Variants in LPIN3 observed in about 807,000 individuals in gnomAD.
The protein encoded by LPIN3 is lipin 3, also known as phosphatidate phosphatase LPIN3.
Under a neutral mutation model 94.7 loss-of-function variants are expected in LPIN3, and 82 were observed. That is an observed-to-expected ratio of 0.87 (90% CI 0.72 to 1.04). The LOEUF (loss-of-function observed/expected upper bound fraction) is 1.04. Ranked by LOEUF, LPIN3 falls within the 50% of genes least tolerant of loss-of-function variation. The pLI is 0.00. For synonymous variants in LPIN3, 418 were observed against 443.3 expected (o/e 0.94, Z 0.72); for missense variants, 996 against 1,090.5 (o/e 0.91, Z 1.22).
chr20:41,350,038 C>T lies in LPIN3; in HGVS notation c.760-17C>T. ...CCTTACCCTGGCCCACATCTTCCTC[C>T]ATTTGTTCCACTAAAGGTGGCCAGA... On this transcript the variant is annotated splice_polypyrimidine_tract_variant and intron_variant, in intron 6 of 19. Coordinates refer to ENST00000373257, the MANE Select transcript of LPIN3 (RefSeq NM_022896.3). The T allele has an allele frequency of 1.3e-6, 2 of 1,577,474 alleles. No individual in the cohort carries two copies. Among genetic ancestry groups the T allele is most frequent in the Non-Finnish European group, 1.7e-6 (2 of 1,157,836 alleles).
Position 41,359,066 on chromosome 20 carries a change from C to A in LPIN3, c.*200C>A, listed in dbSNP as rs940198367. On this transcript the variant is annotated 3_prime_UTR_variant, in exon 20 of 20. Transcript: ENST00000373257. ...CCAGCTAAGCTGCAGCTGCTCCAGG[C>A]GTCAGTGTGGCACTGTCCTGGGGCA... 1.4e-5 allele frequency: 7 copies of A among 491,020 alleles called. No homozygotes were observed. The highest frequency in any genetic ancestry group is 1.8e-5 in the Non-Finnish European group (5 of 276,856). The allele number at this position is 491,020 out of a possible 1,614,324, so 30.4% of individuals were successfully genotyped here.
chr20:41,354,961 A>G (rs1455793600), intron 13 of LPIN3, 98 bp downstream of exon 13: 1 of 1,194,588 alleles, frequency 8.4e-7, no homozygotes. Flanking sequence ...CCCTGTCTCC[A>G]GCTGTGGGTT....
intron 1 of LPIN3, among the ~76,000 whole-genome samples, chr20:41,341,676 G>A (rs770470389): frequency 1.1e-4 from 16 of 152,234 alleles, no homozygotes; most frequent in Non-Finnish European, 2.2e-4. Flanking sequence ...ATGGCCTTGA[G>A]TGCCAAGTTA....
Position 41,349,110 on chromosome 20 carries a change from G to A in LPIN3, c.576G>A (p.Lys192=). Residue 192 remains lysine, a synonymous_variant, in exon 5 of 20, where the codon AAG becomes AAA. Transcript: ENST00000373257. ...PEPPGVQLEE[K]SSLQPKDIYP... is the part of the protein sequence containing the mutation. ...TTAGCAGTGTCCAGTTGGAAGAGAA[G>A]TCTTCACTGCAGCCCAAAGACATCT... 6.2e-7 allele frequency: 1 copy of A among 1,614,194 alleles called. No individual in the cohort carries two copies. The highest frequency in any genetic ancestry group is 8.5e-7 in the Non-Finnish European group (1 of 1,180,034).
At chr20:41,349,402 G>A (rs924609527) in intron 5 of LPIN3, among the ~76,000 whole-genome samples, 1 of 151,668 alleles carries the variant, frequency 6.6e-6, no homozygotes, top group Admixed American at 6.6e-5. Context: ...ACAGTTCAGT[G>A]GCATTAAGTA....
intron 14 of LPIN3, 26 bp downstream of exon 14, chr20:41,356,060 G>A (rs977521832): frequency 9.3e-6 from 15 of 1,608,794 alleles, no homozygotes; most frequent in Non-Finnish European, 1.1e-5. Flanking sequence ...CTGTGTGGAG[G>A]TTGGGGAGGG....
chr20:41,357,179 C>T lies in LPIN3; in HGVS notation c.1943C>T (p.Thr648Ile). ...GTGGTCATCTCTGACATCGACGGCA[C>T]CATCACCAAGTGAGGCCCACCCAGC... is the stretch of plus-strand genomic sequence containing the variant. The part of the protein sequence containing the change: ...DKVVISDIDG[T>I]ITKSDALGHI... Residue 648 changes from threonine (T) to isoleucine (I), a missense_variant, in exon 15 of 20, where the codon ACC becomes ATC. Thr to Ile is a moderately conservative substitution (Grantham distance 89, BLOSUM62 -1). Transcript: ENST00000373257. The T allele has an allele frequency of 6.2e-7, 1 of 1,613,992 alleles. No homozygotes were observed.
rs2046284847 is a variant in LPIN3 at position 41,358,234 on chromosome 20, C to T, written c.2193-3C>T. The T allele has an allele frequency of 5.0e-6, 8 of 1,613,284 alleles. No individual in the cohort carries two copies. The highest frequency in any genetic ancestry group is 1.7e-5 in the Admixed American group (1 of 60,000). On this transcript the variant is annotated splice_region_variant and splice_polypyrimidine_tract_variant and intron_variant, in intron 17 of 19. Transcript: ENST00000373257. ...TTCCCTGCTGTGGTTCTGGCCACCC[C>T]AGAGAGGTGATCGAGAAGAAACCAG...
chr20:41,356,572 C>T (rs2046215552), intron 14 of LPIN3, among the ~76,000 whole-genome samples: 1 of 152,228 alleles, frequency 6.6e-6, no homozygotes, highest in African/African-American at 2.4e-5. Flanking sequence ...GGAAGCGGCC[C>T]TGATCCTTCC....
chr20:41,350,907 C>T lies in LPIN3; in HGVS notation c.1102+510C>T, dbSNP rs188228747. Among the ~76,000 whole-genome samples the T allele has an allele frequency of 4.3e-4, 65 of 152,214 alleles. No individual in the cohort carries two copies. The East Asian group carries it at 0.011, about 25-fold the overall frequency. ...CTAAAAGTGCTAGGAAAGCACGAGA[C>T]CTGTGCTGTCCAAATCAGTAGCCAC... On this transcript the variant is annotated intron_variant, in intron 7 of 19. Coordinates refer to ENST00000373257, the MANE Select transcript of LPIN3 (RefSeq NM_022896.3).
At chr20:41,343,127 C>T (rs2045649015) in intron 1 of LPIN3, among the ~76,000 whole-genome samples, 1 of 152,172 alleles carries the variant, frequency 6.6e-6, no homozygotes, top group Non-Finnish European at 1.5e-5. Context: ...TCCTACAGTG[C>T]ACCCACCCAC....
intron 1 of LPIN3, among the ~76,000 whole-genome samples, chr20:41,341,939 C>T (rs898025715): frequency 1.3e-5 from 2 of 152,028 alleles, no homozygotes; most frequent in African/African-American, 4.8e-5. Flanking sequence ...ATCATGCCAC[C>T]GCACTCCAGT....
In LPIN3 at chr20:41,358,752, C is replaced by T. The variant is rs2046306339; in HGVS notation, c.2442C>T (p.Leu814=). 6.2e-7 allele frequency: 1 copy of T among 1,613,942 alleles called. No homozygotes were observed. The highest frequency in any genetic ancestry group is 1.3e-5 in the African/African-American group (1 of 74,926). ...TYERLGEVVE[L]LFPPVARGPS... ...AGCGGCTTGGTGAAGTGGTCGAGCT[C>T]CTCTTCCCACCTGTGGCCCGTGGCC... The change falls in exon 20 of 20, where the codon CTC becomes CTT. Residue 814 remains leucine, a synonymous_variant. Transcript: ENST00000373257.
rs1250325650 is a variant in LPIN3, at chr20:41,346,003, C to T, written c.192+8C>T. 6.2e-7 allele frequency: 1 copy of T among 1,610,644 alleles called. No individual in the cohort carries two copies. Among genetic ancestry groups the T allele is most frequent in the Non-Finnish European group, 8.5e-7 (1 of 1,178,286 alleles). ...CGGTCGCGGGAGAAGGTGGTGAGTG[C>T]TCAGGCTGGCTGAGGTGGCTACTGC... On this transcript the variant is annotated splice_region_variant and intron_variant, in intron 2 of 19. Transcript: ENST00000373257.
chr20:41,358,819 T>A lies in LPIN3; in HGVS notation c.2509T>A (p.Tyr837Asn). ...CAACCCTGAATACAGTAACTTCTGCTACTGGCGGGAGCCACTGCCTGCTGT... is the reference window on the plus strand; with the variant it reads ...CAACCCTGAATACAGTAACTTCTGCAACTGGCGGGAGCCACTGCCTGCTGT... ...LANPEYSNFC[Y>N]WREPLPAVDL... is the part of the protein sequence containing the mutation. Residue 837 changes from tyrosine (Y) to asparagine (N), a missense_variant, in exon 20 of 20, where the codon TAC becomes AAC. Tyr to Asn is a moderately radical substitution (Grantham distance 143, BLOSUM62 -2). Transcript: ENST00000373257. The A allele has an allele frequency of 8.1e-6, 13 of 1,614,062 alleles. No individual in the cohort carries two copies. Among genetic ancestry groups the A allele is most frequent in the Non-Finnish European group, 1.1e-5 (13 of 1,180,022 alleles).
rs754175581 is a variant in LPIN3 at position 41,348,608 on chromosome 20, C to G, written c.289-11C>G. The stretch of plus-strand genomic sequence containing the variant: ...TCAGCCCCCGACCTCAGTTCTTGGT[C>G]TGTTCCACAGGAACATGTGCCTCCC... On this transcript the variant is annotated splice_polypyrimidine_tract_variant and intron_variant, in intron 3 of 19. Coordinates refer to ENST00000373257, the MANE Select transcript of LPIN3 (RefSeq NM_022896.3). The G allele has an allele frequency of 7.5e-6, 12 of 1,595,532 alleles. No homozygotes were observed. Among genetic ancestry groups the G allele is most frequent in the Non-Finnish European group, 3.4e-6 (4 of 1,168,944 alleles).
chr20:41,346,391 C>A (rs1207105076), intron 2 of LPIN3, among the ~76,000 whole-genome samples: 2 of 152,240 alleles, frequency 1.3e-5, no homozygotes, highest in African/African-American at 4.8e-5. Flanking sequence ...ACTGATAATA[C>A]TGTCTCAGGG....
chr20:41,359,114 T>G lies in LPIN3; in HGVS notation c.*248T>G. ...GCAATTAGCTTGTCATCTGGGCCCTTGCAGGGTTCTTTTTTTTTTTTTTTT... is the reference window on the plus strand; with the variant it reads ...GCAATTAGCTTGTCATCTGGGCCCTGGCAGGGTTCTTTTTTTTTTTTTTTT... On this transcript the variant is annotated 3_prime_UTR_variant, in exon 20 of 20. Transcript: ENST00000373257. 5 of 289,046 alleles carry G rather than the reference T, an allele frequency of 1.7e-5. No individual in the cohort carries two copies. Among genetic ancestry groups the G allele is most frequent in the East Asian group, 6.4e-5 (1 of 15,624 alleles). 17.9% of individuals were successfully genotyped at this position (289,046 alleles called of 1,614,324 possible).
chr20:41,355,853 C>T (rs2046188544), intron 13 of LPIN3, 43 bp from the exon 14 acceptor site: 1 of 1,608,902 alleles, frequency 6.2e-7, no homozygotes, highest in South Asian at 1.1e-5. Context: ...AGTGAAGGCC[C>T]TTTGGCTGGA....
Sources: gnomAD v4.1 joint callset for allele counts (sites outside exome capture counted in the v4.1 genomes callset) on GRCh38, gnomAD v4.1.1 for gene constraint, MANE v1.5 for transcripts, NCBI Gene and HGNC (gene_info 2026-07-23, HGNC 2026-07-21) for gene names.